Variants in ST8SIA4 observed in about 807,000 individuals in gnomAD.
ST8SIA4 encodes the protein ST8 alpha-N-acetyl-neuraminide alpha-2,8-sialyltransferase 4.
In ST8SIA4, 15 loss-of-function variants were observed where a neutral mutation model predicts 33.9. The ratio of observed to expected loss-of-function variants is 0.44; its 90% confidence interval spans 0.30 to 0.68. The LOEUF (loss-of-function observed/expected upper bound fraction) is 0.68, where lower values mean the gene tolerates loss of function less well. Among genes scored for constraint, ST8SIA4 ranks in the 30% least tolerant of loss-of-function variants. ST8SIA4 has a pLI of 0.10. For missense variants in ST8SIA4, 321 were observed against 428.0 expected (o/e 0.75, Z 2.21); for synonymous variants, 171 against 151.2 (o/e 1.13, Z -0.96).
At chr5:100,853,474 T>C (rs1322285183) in intron 4 of ST8SIA4, among the ~76,000 whole-genome samples, 2 of 152,306 alleles carry the variant, frequency 1.3e-5, no homozygotes, top group South Asian at 4.1e-4. Flanking sequence ...GAGAGAGAAG[T>C]TATTTCTACA....
intron 4 of ST8SIA4, among the ~76,000 whole-genome samples, chr5:100,829,907 C>CA (rs773555217): frequency 0.28 from 30,060 of 109,088 alleles, 4,207 homozygotes; most frequent in Non-Finnish European, 0.36. Context: ...GACTCCGTCT[C>CA]AAAAAAAAAA....
At chr5:100,830,964 C>A (rs1454741209) in intron 4 of ST8SIA4, among the ~76,000 whole-genome samples, 3 of 152,024 alleles carry the variant, frequency 2.0e-5, no homozygotes, top group Non-Finnish European at 4.4e-5. Flanking sequence ...CACAGTATAA[C>A]CAATGCATTC....
chr5:100,884,625 A>C (rs777651772), intron 3 of ST8SIA4, among the ~76,000 whole-genome samples: 1 of 152,230 alleles, frequency 6.6e-6, no homozygotes, highest in Non-Finnish European at 1.5e-5. Context: ...AGACAGAGAA[A>C]GAGTGTAGGA....
At chr5:100,834,687 C>T (rs1207224887) in intron 4 of ST8SIA4, among the ~76,000 whole-genome samples, 1 of 151,928 alleles carries the variant, frequency 6.6e-6, no homozygotes, top group African/African-American at 2.4e-5. Flanking sequence ...TTGGTGCTGT[C>T]CTTGCGATAG....
rs546299009 is a variant in ST8SIA4 at position 100,817,999 on chromosome 5, T to A, written c.798-5870A>T. The stretch of plus-strand genomic sequence containing the variant: ...GAGACAGTGTAAAGAGCTCTATATG[T>A]GGTGCTTTTTCATTTAATCCTCACC... On this transcript the variant is annotated intron_variant, in intron 4 of 4. Coordinates refer to ENST00000231461, the MANE Select transcript of ST8SIA4 (RefSeq NM_005668.6). Among the ~76,000 whole-genome samples the A allele has an allele frequency of 1.6e-4, 24 of 152,236 alleles. 1 individual carries two copies. In the East Asian group the frequency reaches 1.9e-3, roughly 12 times the overall value.
Position 100,902,928 on chromosome 5 carries a change from T to C in ST8SIA4, c.28A>G (p.Ile10Val), listed in dbSNP as rs1374895196. Reference sequence around the variant, plus strand: ...ATCAGGAGCAGACTTATTGTGCAGATCGTCCACCTCTTCCTAATGGAGCGC... The same window carrying C: ...ATCAGGAGCAGACTTATTGTGCAGACCGTCCACCTCTTCCTAATGGAGCGC... MRSIRKRWT[I>V]CTISLLLIFY... The change falls in exon 1 of 5, where the codon ATC becomes GTC. Residue 10 changes from isoleucine to valine, a missense_variant. Ile to Val is a conservative substitution (Grantham distance 29). Transcript: ENST00000231461. 2 of 1,614,094 alleles carry C rather than the reference T, an allele frequency of 1.2e-6. No individual in the cohort carries two copies. The highest frequency in any genetic ancestry group is 8.5e-7 in the Non-Finnish European group (1 of 1,180,052).
At chr5:100,866,711 T>C (rs1752070861) in intron 3 of ST8SIA4, among the ~76,000 whole-genome samples, 1 of 152,024 alleles carries the variant, frequency 6.6e-6, no homozygotes, top group Non-Finnish European at 1.5e-5. Flanking sequence ...ATATGTACTT[T>C]ACAGATGAGT....
chr5:100,819,469 T>A (rs1750994694), intron 4 of ST8SIA4, among the ~76,000 whole-genome samples: 1 of 152,154 alleles, frequency 6.6e-6, no homozygotes, highest in Non-Finnish European at 1.5e-5. Flanking sequence ...TGGCATAAAT[T>A]GAACACTCAA....
At chr5:100,834,021 A>G (rs1580454588) in intron 4 of ST8SIA4, among the ~76,000 whole-genome samples, 1 of 152,194 alleles carries the variant, frequency 6.6e-6, no homozygotes, top group Non-Finnish European at 1.5e-5. Flanking sequence ...TGAATGAAAG[A>G]ATTAAAGGAT....
intron 3 of ST8SIA4, among the ~76,000 whole-genome samples, chr5:100,868,847 T>C (rs1752137327): frequency 6.6e-6 from 1 of 152,076 alleles, no homozygotes; most frequent in South Asian, 2.1e-4. Flanking sequence ...GGCAAAATTG[T>C]TTCCACTGCT....
At chr5:100,848,797 G>T (rs1751623525) in intron 4 of ST8SIA4, among the ~76,000 whole-genome samples, 1 of 150,506 alleles carries the variant, frequency 6.6e-6, no homozygotes, top group Non-Finnish European at 1.5e-5. Context: ...ATCAAAGAAA[G>T]GGCAAATTCA....
intron 4 of ST8SIA4, among the ~76,000 whole-genome samples, chr5:100,828,896 T>C (rs1482978049): frequency 6.6e-6 from 1 of 152,180 alleles, no homozygotes; most frequent in African/African-American, 2.4e-5. Context: ...AGAATTTTCA[T>C]TAGCTTAATT....
In ST8SIA4 at chr5:100,811,946, A is replaced by C; in HGVS notation, c.981T>G (p.Asn327Lys). The C allele has an allele frequency of 6.2e-7, 1 of 1,614,162 alleles. No homozygotes were observed. Among genetic ancestry groups the C allele is most frequent in the East Asian group, 2.2e-5 (1 of 44,876 alleles). The change falls in exon 5 of 5, where the codon AAT (asparagine) becomes AAG (lysine). Residue 327 changes from asparagine to lysine, a missense_variant. Coordinates refer to ENST00000231461, the MANE Select transcript of ST8SIA4 (RefSeq NM_005668.6). ...YDDLKYRYFS[N>K]ASPHRMPLEF... ...CTAATGGCATTCTGTGAGGGCTTGC[A>C]TTGGAAAAGTACCTATATTTTAAGT...
At position 100,814,580 on chromosome 5, in the gene ST8SIA4, T is replaced by C. The variant is rs78995066; in HGVS notation, c.798-2451A>G. Among the ~76,000 whole-genome samples the C allele has an allele frequency of 2.5e-4, 38 of 152,024 alleles. No individual in the cohort carries two copies. The East Asian group carries it at 6.0e-3, about 24-fold the overall frequency. ...ATAAATGGCATCAATATGTAACAGATAAGTTGAAAAATACCTTAAATCAGG... is the reference window on the plus strand; with the variant it reads ...ATAAATGGCATCAATATGTAACAGACAAGTTGAAAAATACCTTAAATCAGG... On this transcript the variant is annotated intron_variant, in intron 4 of 4. Coordinates refer to ENST00000231461, the MANE Select transcript of ST8SIA4 (RefSeq NM_005668.6).
chr5:100,846,806 T>C (rs1394381931), intron 4 of ST8SIA4, among the ~76,000 whole-genome samples: 1 of 152,050 alleles, frequency 6.6e-6, no homozygotes, highest in African/African-American at 2.4e-5. Context: ...GGGAAGCATA[T>C]TGGTCAGGGG....
At chr5:100,893,294 T>C (rs1752712138) in intron 2 of ST8SIA4, among the ~76,000 whole-genome samples, 1 of 152,160 alleles carries the variant, frequency 6.6e-6, no homozygotes, top group Admixed American at 6.6e-5. Context: ...ATTTCTGCTA[T>C]AGCCAATTCT....
intron 4 of ST8SIA4, among the ~76,000 whole-genome samples, chr5:100,846,211 C>G (rs1580459560): frequency 6.6e-6 from 1 of 151,862 alleles, no homozygotes. Flanking sequence ...ATTTCTAGTG[C>G]TACCCAGATC....
intron 4 of ST8SIA4, chr5:100,816,445 T>C (rs1750918986): frequency 1.9e-6 from 1 of 516,150 alleles, no homozygotes; most frequent in South Asian, 1.5e-5. Context: ...TATTGGTTTG[T>C]GTTTATATTT....
intron 4 of ST8SIA4, chr5:100,849,294 A>G (rs1187614503): frequency 1.0e-6 from 1 of 985,238 alleles, no homozygotes; most frequent in Non-Finnish European, 1.2e-6. Flanking sequence ...TAAATCTGAC[A>G]CTCAAGGATT....
Sources: gnomAD v4.1 joint callset for allele counts (sites outside exome capture counted in the v4.1 genomes callset) on GRCh38, gnomAD v4.1.1 for gene constraint, MANE v1.5 for transcripts, NCBI Gene and HGNC (gene_info 2026-07-23, HGNC 2026-07-21) for gene names.